The following PKHD1 variants were observed in gnomAD, a reference collection of about 807,000 sequenced individuals.
PKHD1 encodes the protein fibrocystin.
PKHD1 carries 291 observed loss-of-function variants against 412.0 expected under a neutral mutation model. The ratio of observed to expected loss-of-function variants is 0.71; its 90% CI spans 0.64 to 0.78. PKHD1 has a LOEUF of 0.78. PKHD1 is among the 30% of genes least tolerant of loss of function. PKHD1 has a pLI of 0.00. For synonymous variants in PKHD1, 1,777 were observed against 1,821.5 expected (o/e 0.98, Z 0.62); for missense variants, 4,825 against 4,950.7 (o/e 0.97, Z 0.76).
chr6:51,982,194 C>T (rs1472045252), intron 35 of PKHD1, among the ~76,000 whole-genome samples: 25 of 33,170 alleles, frequency 7.5e-4, no homozygotes, highest in Non-Finnish European at 1.0e-3. Flanking sequence ...GTGGGGGGGT[C>T]AGCCCCCCGC....
At chr6:52,058,672 G>T in intron 15 of PKHD1, 71 bp from the exon 16 acceptor site, 2 of 1,448,446 alleles carry the variant, frequency 1.4e-6, no homozygotes, top group Non-Finnish European at 9.6e-7. Context: ...AACACTAAGT[G>T]TCTGAACTGC....
At chr6:51,974,169 G>T (rs956849406) in intron 35 of PKHD1, among the ~76,000 whole-genome samples, 3 of 152,084 alleles carry the variant, frequency 2.0e-5, no homozygotes, top group African/African-American at 4.8e-5. Context: ...CTCTCCAGAA[G>T]AAGTTTCCCT....
chr6:51,839,062 A>G (rs1769725585), intron 50 of PKHD1, among the ~76,000 whole-genome samples: 1 of 152,232 alleles, frequency 6.6e-6, no homozygotes. Flanking sequence ...AGCTGTATCT[A>G]ATCATGATGA....
chr6:51,763,302 C>A (rs1335529869), intron 55 of PKHD1, among the ~76,000 whole-genome samples: 1 of 151,982 alleles, frequency 6.6e-6, no homozygotes. Context: ...TTAGTAGAGG[C>A]CTGACATATA....
chr6:51,637,252 C>T (rs1283400732), intron 64 of PKHD1, among the ~76,000 whole-genome samples: 1 of 152,140 alleles, frequency 6.6e-6, no homozygotes, highest in African/African-American at 2.4e-5. Context: ...CCTGTCTTAC[C>T]CTTTAAGACA....
chr6:51,730,076 A>G (rs1431641394), intron 60 of PKHD1, among the ~76,000 whole-genome samples: 1 of 151,916 alleles, frequency 6.6e-6, no homozygotes, highest in Non-Finnish European at 1.5e-5. Context: ...TTCTTTGCAA[A>G]TTTTTTCAGT....
At chr6:51,971,733 G>A (rs1003128113) in intron 35 of PKHD1, among the ~76,000 whole-genome samples, 4 of 150,470 alleles carry the variant, frequency 2.7e-5, no homozygotes, top group African/African-American at 9.9e-5. Context: ...GTTTTGTTTT[G>A]TTTTGTTTTG....
chr6:52,070,365 A>G (rs1183166812), intron 10 of PKHD1, 41 bp downstream of exon 10: 1 of 1,240,348 alleles, frequency 8.1e-7, no homozygotes, highest in Non-Finnish European at 1.2e-6. Flanking sequence ...GGTAATATAA[A>G]ATGAAGACAA....
intron 53 of PKHD1, among the ~76,000 whole-genome samples, chr6:51,785,964 A>G (rs1792785132): frequency 6.6e-6 from 1 of 152,230 alleles, no homozygotes; most frequent in African/African-American, 2.4e-5. Context: ...GAGTCTGGGT[A>G]CTTAACAAAC....
chr6:52,012,440 C>T (rs1020183327), intron 34 of PKHD1, among the ~76,000 whole-genome samples: 18 of 152,204 alleles, frequency 1.2e-4, no homozygotes, highest in African/African-American at 3.6e-4. Flanking sequence ...CTGTAGCCTG[C>T]TATCTAGCTG....
chr6:51,657,750 G>A (rs1438172723), intron 61 of PKHD1, among the ~76,000 whole-genome samples: 1 of 152,026 alleles, frequency 6.6e-6, no homozygotes, highest in Non-Finnish European at 1.5e-5. Context: ...TCCACTCTCT[G>A]CTGGTTTTCT....
At chr6:51,629,962 G>T (rs907821148) in intron 65 of PKHD1, among the ~76,000 whole-genome samples, 12 of 152,120 alleles carry the variant, frequency 7.9e-5, no homozygotes, top group African/African-American at 2.9e-4. Context: ...GAGCTTCACA[G>T]GTTTCTAATT....
In PKHD1 at chr6:52,026,041, T is replaced by C. The variant is rs1348904025; in HGVS notation, c.3769A>G (p.Ile1257Val). ...IWCETLPAPQ[I>V]PDAGAPTVPA... ...ACAGTGGGAGCGCCCGCATCGGGTA[T>C]CTGGGGGGCTGGCAGGGTTTCACAC... Residue 1257 changes from isoleucine to valine, a missense_variant, in exon 32 of 67, where the codon ATA becomes GTA. Ile to Val is a conservative substitution (Grantham distance 29). Transcript: ENST00000371117. The C allele has an allele frequency of 6.2e-7, 1 of 1,614,102 alleles. No homozygotes were observed. Among genetic ancestry groups the C allele is most frequent in the Admixed American group, 1.7e-5 (1 of 60,018 alleles).
At chr6:51,860,599 G>T (rs1046165400) in intron 48 of PKHD1, among the ~76,000 whole-genome samples, 1 of 152,158 alleles carries the variant, frequency 6.6e-6, no homozygotes, top group South Asian at 2.1e-4. Context: ...TTCATTACTA[G>T]GGGAAGAAGT....
At chr6:51,740,308 C>A (rs1167327236) in intron 60 of PKHD1, among the ~76,000 whole-genome samples, 2 of 152,184 alleles carry the variant, frequency 1.3e-5, no homozygotes, top group Non-Finnish European at 2.9e-5. Flanking sequence ...GTTTTTGCTC[C>A]TAATATGACA....
chr6:51,947,977 A>C (rs182960838), intron 36 of PKHD1, among the ~76,000 whole-genome samples: 1 of 152,126 alleles, frequency 6.6e-6, no homozygotes, highest in Non-Finnish European at 1.5e-5. Flanking sequence ...TGCAATTGCT[A>C]AGTCTGAAAA....
intron 35 of PKHD1, among the ~76,000 whole-genome samples, chr6:51,999,256 A>G (rs1798073946): frequency 6.6e-6 from 1 of 152,200 alleles, no homozygotes; most frequent in African/African-American, 2.4e-5. Context: ...AACAGCCTTT[A>G]TCTAAAACCA....
chr6:51,830,890 C>A lies in PKHD1; in HGVS notation c.8273G>T (p.Gly2758Val). The A allele has an allele frequency of 3.1e-6, 5 of 1,612,822 alleles. No individual in the cohort carries two copies. Among genetic ancestry groups the A allele is most frequent in the Non-Finnish European group, 4.2e-6 (5 of 1,179,118 alleles). Residue 2758 changes from glycine (G) to valine (V), a missense_variant, in exon 52 of 67, where the codon GGC (glycine) becomes GTC (valine). Coordinates refer to ENST00000371117, the MANE Select transcript of PKHD1 (RefSeq NM_138694.4). ...TAAAATGAGAACGTCATCCCCAGGG[C>A]CTGGAATGGTATTGTTGTATCCTCC... ...GWGGYNNTIPGPGDDVLILPN... is the reference protein window; with the variant it reads ...GWGGYNNTIPVPGDDVLILPN...
chr6:52,058,842 G>T (rs1427639955), intron 15 of PKHD1, among the ~76,000 whole-genome samples: 1 of 152,098 alleles, frequency 6.6e-6, no homozygotes, highest in East Asian at 1.9e-4. Context: ...AATGAGAATA[G>T]ATGGGCCATG....
Sources: gnomAD v4.1 joint callset for allele counts (sites outside exome capture counted in the v4.1 genomes callset) on GRCh38, gnomAD v4.1.1 for gene constraint, MANE v1.5 for transcripts, NCBI Gene and HGNC (gene_info 2026-07-23, HGNC 2026-07-21) for gene names.